The following SLC9A3 variants were observed in gnomAD, a reference collection of about 807,000 sequenced individuals.
SLC9A3 encodes sodium/hydrogen exchanger 3.
Under a neutral mutation model 86.8 loss-of-function variants are expected in SLC9A3, and 37 were observed. The observed-to-expected ratio is 0.43, with a 90% CI of 0.33 to 0.56. The LOEUF is 0.56. SLC9A3 is among the 20% of genes least tolerant of loss of function. The probability of loss-of-function intolerance (pLI) is 0.06; values close to 1 mark genes in which losing one functional copy is unlikely to be tolerated. For missense variants in SLC9A3, 1,011 were observed against 1,171.9 expected, an observed-to-expected ratio of 0.86 and a Z score of 2.00; for synonymous variants, 581 against 528.3, an observed-to-expected ratio of 1.10 and a Z score of -1.37.
At chr5:481,945 A>G (rs1341919705) in intron 8 of SLC9A3, 123 bp downstream of exon 8, 1 of 276,154 alleles carries the variant, frequency 3.6e-6, no homozygotes, top group Non-Finnish European at 6.9e-6. Flanking sequence ...GCCCAGCCCC[A>G]AGGAACACAC....
chr5:497,658 G>GC lies in SLC9A3; in HGVS notation c.212-5588dup, dbSNP rs1740082285. Among the ~76,000 whole-genome samples, 1 of 152,090 alleles carries GC rather than the reference G, an allele frequency of 6.6e-6. No individual in the cohort carries two copies. The highest frequency in any genetic ancestry group is 1.5e-5 in the Non-Finnish European group (1 of 68,014). ...TCCTGAAGCTTCCAGATCCCCTGCA[G>GC]CCCCCCTGAGCCGCTGACCCTGACC... On this transcript the variant is annotated intron_variant, in intron 1 of 16. Coordinates refer to ENST00000264938, the MANE Select transcript of SLC9A3 (RefSeq NM_004174.4). This position sits in a 1 kb window ranked among gnomAD's most constrained non-coding sequence, Gnocchi z 5.4.
At position 483,271 on chromosome 5, in the gene SLC9A3, G is replaced by A. The variant is rs751112951; in HGVS notation, c.1144C>T (p.Arg382Trp). 5 of 1,545,870 alleles carry A rather than the reference G, an allele frequency of 3.2e-6. No homozygotes were observed. Among genetic ancestry groups the A allele is most frequent in the Non-Finnish European group, 4.4e-6 (5 of 1,142,180 alleles). The change falls in exon 6 of 17, where the codon CGG becomes TGG. Residue 382 changes from arginine (R) to tryptophan (W), a missense_variant. Physicochemically the swap from Arg to Trp is moderately radical, Grantham distance 101 (BLOSUM62 -3). This residue lies in a region of SLC9A3 where 565 missense variants were observed against 790.0 expected (regional missense o/e 0.72). Coordinates refer to ENST00000264938, the MANE Select transcript of SLC9A3 (RefSeq NM_004174.4). ...CCCGGCCCCGCCTCACCGATGGCCC[G>A]GTACACGGAGATGAAGACCAGCGTC... is the stretch of plus-strand genomic sequence containing the variant. ...LLTLVFISVY[R>W]AIGVVLQTWL...
At chr5:478,265 A>G (rs1264927797) in intron 10 of SLC9A3, 3 of 152,198 alleles carry the variant, frequency 2.0e-5, no homozygotes, top group Non-Finnish European at 4.4e-5. Context: ...TAAATCCAGC[A>G]TCTTCTGTAT....
chr5:503,319 T>A (rs1401212771), intron 1 of SLC9A3, among the ~76,000 whole-genome samples: 1 of 152,228 alleles, frequency 6.6e-6, no homozygotes, highest in African/African-American at 2.4e-5. Context: ...GAGGATCGCT[T>A]GAACCCAGGA....
chr5:484,604 C>T lies in SLC9A3; in HGVS notation c.848G>A (p.Arg283His), dbSNP rs146899318. The change falls in exon 5 of 17, where the codon CGT becomes CAT. Residue 283 changes from arginine (R) to histidine (H), a missense_variant. Physicochemically the swap from Arg to His is conservative, Grantham distance 29 (BLOSUM62 0). This residue lies in a region of SLC9A3 where 565 missense variants were observed against 790.0 expected (regional missense o/e 0.72). Coordinates refer to ENST00000264938, the MANE Select transcript of SLC9A3 (RefSeq NM_004174.4). ...GAACACGAAGCCGGGCTCGATGATA[C>T]GCACATGCTTGGTGAAGCGCGTCAC... ...SLVTRFTKHV[R>H]IIEPGFVFII... 2.2e-4 allele frequency: 360 copies of T among 1,613,248 alleles called. 2 individuals are homozygous for T. The highest frequency in any genetic ancestry group is 2.1e-3 in the Middle Eastern group (13 of 6,062).
At chr5:482,876 G>A (rs997519758) in intron 6 of SLC9A3, 126 bp from the exon 7 acceptor site, 14 of 734,318 alleles carry the variant, frequency 1.9e-5, no homozygotes, top group East Asian at 1.4e-4. Context: ...CCCTAGATAC[G>A]GCGTCCCCAC....
intron 1 of SLC9A3, among the ~76,000 whole-genome samples, chr5:522,361 A>C (rs1180165875): frequency 6.6e-6 from 1 of 152,238 alleles, no homozygotes; most frequent in Non-Finnish European, 1.5e-5. Flanking sequence ...GCCGGCTCCC[A>C]GGCGGGGCTG....
chr5:489,525 C>A (rs533968406), intron 2 of SLC9A3, among the ~76,000 whole-genome samples: 1 of 152,194 alleles, frequency 6.6e-6, no homozygotes, highest in Non-Finnish European at 1.5e-5. Flanking sequence ...TCAGGGTCAT[C>A]TCTGCGGTGA....
intron 1 of SLC9A3, among the ~76,000 whole-genome samples, chr5:502,676 C>T (rs1359996778): frequency 6.6e-6 from 1 of 152,238 alleles, no homozygotes; most frequent in Non-Finnish European, 1.5e-5. Flanking sequence ...AAAGGACAAG[C>T]CGCAGCGGTG....
chr5:494,185 C>G (rs1450634323), intron 1 of SLC9A3, among the ~76,000 whole-genome samples: 1 of 152,246 alleles, frequency 6.6e-6, no homozygotes, highest in East Asian at 1.9e-4. Flanking sequence ...CGTGAGAAGT[C>G]CTGGGACCCT....
chr5:482,326 C>T (rs1348432243), intron 7 of SLC9A3, among the ~76,000 whole-genome samples, 169 bp from the exon 8 acceptor site: 6 of 152,118 alleles, frequency 3.9e-5, no homozygotes, highest in Non-Finnish European at 5.9e-5. Flanking sequence ...AAGCAGCACC[C>T]GGGGCCTCAT....
At position 472,945 on chromosome 5, in the gene SLC9A3, A is replaced by G; in HGVS notation, c.*434T>C. 1 of 529,124 alleles carries G rather than the reference A, an allele frequency of 1.9e-6. No homozygotes were observed. The highest frequency in any genetic ancestry group is 3.3e-6 in the Non-Finnish European group (1 of 299,116). The allele number at this position is 529,124 out of a possible 1,614,324, so 32.8% of individuals were successfully genotyped here. A position where few individuals can be genotyped will look rare whatever the true frequency, so the allele number is the denominator to read the frequency against. ...GCGAGCGGCCAGCCATGGCGCGCGG[A>G]CCCTTCCCGCCGGCGGCGTCACAGC... On this transcript the variant is annotated 3_prime_UTR_variant, in exon 17 of 17. Coordinates refer to ENST00000264938, the MANE Select transcript of SLC9A3 (RefSeq NM_004174.4).
At chr5:486,368 C>T (rs762195667) in intron 3 of SLC9A3, among the ~76,000 whole-genome samples, 5 of 152,206 alleles carry the variant, frequency 3.3e-5, no homozygotes, top group South Asian at 2.1e-4. Context: ...GACTCACTTC[C>T]GGGAGGCAGT....
At position 472,438 on chromosome 5, in the gene SLC9A3, T is replaced by C. The variant is rs1738413204; in HGVS notation, c.*941A>G. The C allele has an allele frequency of 3.0e-6, 1 of 334,208 alleles. No individual in the cohort carries two copies. The highest frequency in any genetic ancestry group is 5.9e-6 in the Non-Finnish European group (1 of 170,534). 20.7% of individuals were successfully genotyped at this position (334,208 alleles called of 1,614,324 possible). On this transcript the variant is annotated 3_prime_UTR_variant, in exon 17 of 17. Coordinates refer to ENST00000264938, the MANE Select transcript of SLC9A3 (RefSeq NM_004174.4). ...TCCACTTAAGGACTGGCCGTGATTCTTGGCAAGCTCCGCCCGCCAGGCCAC... is the reference window on the plus strand; with the variant it reads ...TCCACTTAAGGACTGGCCGTGATTCCTGGCAAGCTCCGCCCGCCAGGCCAC...
intron 1 of SLC9A3, among the ~76,000 whole-genome samples, chr5:507,484 A>G (rs1740652966): frequency 6.6e-6 from 1 of 151,510 alleles, no homozygotes; most frequent in Non-Finnish European, 1.5e-5. Context: ...ATGCTGGTCT[A>G]AAACTCTTGG....
At chr5:504,992 GCAGCTGC>G (rs778333482) in intron 1 of SLC9A3, among the ~76,000 whole-genome samples, 18 of 151,882 alleles carry the variant, frequency 1.2e-4, no homozygotes, top group Admixed American at 6.6e-5. Flanking sequence ...GCAGGGGCCA[GCAGCTGC>G]CACCCCTCCC....
intron 1 of SLC9A3, among the ~76,000 whole-genome samples, chr5:523,602 T>G (rs1733947342): frequency 6.8e-6 from 1 of 147,782 alleles, no homozygotes; most frequent in African/African-American, 2.5e-5. Context: ...ACCGGGATTT[T>G]CTAAAAAAAA....
intron 2 of SLC9A3, among the ~76,000 whole-genome samples, chr5:490,540 G>T (rs943245422): frequency 6.6e-6 from 1 of 152,222 alleles, no homozygotes; most frequent in African/African-American, 2.4e-5. Flanking sequence ...CACGGAGTGT[G>T]CCCGGCTCTC....
At position 524,239 on chromosome 5, in the gene SLC9A3, G is replaced by T; in HGVS notation, c.84C>A (p.Val28=). The change falls in exon 1 of 17, where the codon GTC becomes GTA. Residue 28 remains valine, a synonymous_variant. Coordinates refer to ENST00000264938, the MANE Select transcript of SLC9A3 (RefSeq NM_004174.4). ...CGTGCGCGCCGCCGGGCTCCACCTC[G>T]ACGCCCCCGGCCCGCGCCAGCCCGC... The part of the protein sequence containing the change: ...ALGGLARAGG[V]EVEPGGAHGE... 6.7e-7 allele frequency: 1 copy of T among 1,488,248 alleles called. No individual in the cohort carries two copies. The highest frequency in any genetic ancestry group is 8.9e-7 in the Non-Finnish European group (1 of 1,117,784). The allele number at this position is 1,488,248 out of a possible 1,614,324, so 92.2% of individuals were successfully genotyped here. A position where few individuals can be genotyped will look rare whatever the true frequency, so the allele number is the denominator to read the frequency against.
Sources: gnomAD v4.1 joint callset for allele counts (sites outside exome capture counted in the v4.1 genomes callset) on GRCh38, gnomAD v4.1.1 for gene constraint, gnomAD v4.1.1 regional missense constraint, Gnocchi (gnomAD v3.1) non-coding constraint, MANE v1.5 for transcripts, NCBI Gene and HGNC (gene_info 2026-07-23, HGNC 2026-07-21) for gene names.